FANCA: variants seen among roughly 807,000 people sequenced by gnomAD.
FANCA encodes the protein FA complementation group A.
FANCA carries 236 observed loss-of-function variants against 194.3 expected under a neutral mutation model. The ratio of observed to expected loss-of-function variants is 1.21; its 90% CI spans 1.09 to 1.35. FANCA has a LOEUF of 1.35. Among genes scored for constraint, FANCA ranks in the 40% most tolerant of loss-of-function variants. The probability of loss-of-function intolerance (pLI) is 0.00; values close to 1 mark genes in which losing one functional copy is unlikely to be tolerated. For missense variants in FANCA, 2,628 were observed against 1,813.9 expected, an observed-to-expected ratio of 1.45 and a Z score of -8.15; for synonymous variants, 1,014 against 715.8, an observed-to-expected ratio of 1.42 and a Z score of -6.65.
Position 89,770,636 on chromosome 16 carries a change from T to G in FANCA, c.2152-2A>C. On this transcript the variant is annotated splice_acceptor_variant, in intron 23 of 42. Transcript: ENST00000389301. LOFTEE classifies it high-confidence loss of function. Reference sequence around the variant, plus strand: ...AGACGTCAGCAGGAGGTCCACAGCCTGCAGAGACACAGTTCTCATGAGCGT... The same window carrying G: ...AGACGTCAGCAGGAGGTCCACAGCCGGCAGAGACACAGTTCTCATGAGCGT... 6.2e-7 allele frequency: 1 copy of G among 1,607,036 alleles called. No homozygotes were observed. The highest frequency in any genetic ancestry group is 8.5e-7 in the Non-Finnish European group (1 of 1,176,596).
At chr16:89,751,231 T>G (rs2038578413) in intron 31 of FANCA, among the ~76,000 whole-genome samples, 1 of 152,120 alleles carries the variant, frequency 6.6e-6, no homozygotes, top group South Asian at 2.1e-4. Context: ...TCAGGTGCAG[T>G]GGCTCACGCC....
At chr16:89,771,610 C>T (rs975193656) in intron 23 of FANCA, 68 bp downstream of exon 23, 29 of 1,556,118 alleles carry the variant, frequency 1.9e-5, no homozygotes, top group Non-Finnish European at 2.6e-5. Context: ...AGGCTCCATG[C>T]GTCTAATGCC....
intron 3 of FANCA, 97 bp downstream of exon 3, chr16:89,814,423 T>C: frequency 2.1e-6 from 2 of 948,700 alleles, no homozygotes; most frequent in Admixed American, 2.2e-5. Flanking sequence ...ACCCATCGCC[T>C]GAGAAAATTT....
intron 28 of FANCA, among the ~76,000 whole-genome samples, chr16:89,763,987 A>G (rs1015929107): frequency 9.9e-5 from 15 of 152,158 alleles, no homozygotes; most frequent in South Asian, 4.2e-4. Flanking sequence ...CACGCCTGTA[A>G]TTCCAGCATT....
intron 21 of FANCA, 120 bp downstream of exon 21, chr16:89,775,622 C>A: frequency 1.3e-6 from 1 of 789,544 alleles, no homozygotes; most frequent in South Asian, 1.5e-5. Context: ...CCCAAAGCAC[C>A]GGCTTGAGCT....
In FANCA at chr16:89,773,343, C is replaced by T. The variant is rs1427276212; in HGVS notation, c.1942G>A (p.Glu648Lys). Residue 648 changes from glutamate to lysine, a missense_variant, in exon 22 of 43, where the codon GAG becomes AAG. Physicochemically the swap from Glu to Lys is moderately conservative, Grantham distance 56. Transcript: ENST00000389301. ...GCAGCTGTGAGCTGTCCCAGGGGCT[C>T]CTCAGCAGAGTTGGGTTCTGCCCTC... ...GVRAEPNSAE[E>K]PLGQLTAALG... is the part of the protein sequence containing the mutation. 3.2e-6 allele frequency: 5 copies of T among 1,551,602 alleles called. No homozygotes were observed. Among genetic ancestry groups the T allele is most frequent in the Non-Finnish European group, 3.5e-6 (4 of 1,146,980 alleles).
At chr16:89,806,067 C>T (rs2040629965) in intron 6 of FANCA, among the ~76,000 whole-genome samples, 1 of 152,202 alleles carries the variant, frequency 6.6e-6, no homozygotes, top group Non-Finnish European at 1.5e-5. Context: ...CACCTGCCAC[C>T]TTGCCCAGCT....
At chr16:89,776,725 G>A (rs1002935316) in intron 20 of FANCA, among the ~76,000 whole-genome samples, 4 of 151,904 alleles carry the variant, frequency 2.6e-5, no homozygotes, top group Non-Finnish European at 5.9e-5. Flanking sequence ...CAGCTACTTG[G>A]TAGGCTGAGG....
At chr16:89,809,477 G>A (rs1460311985) in intron 5 of FANCA, among the ~76,000 whole-genome samples, 1 of 152,100 alleles carries the variant, frequency 6.6e-6, no homozygotes, top group African/African-American at 2.4e-5. Flanking sequence ...CACTTGGGAG[G>A]CCAAGATGGG....
chr16:89,740,941 C>T, intron 37 of FANCA, 75 bp from the exon 38 acceptor site: 3 of 1,350,404 alleles, frequency 2.2e-6, no homozygotes, highest in Non-Finnish European at 3.1e-6. Flanking sequence ...CTGACACATT[C>T]CTCTTTAATT....
chr16:89,758,044 G>C (rs1333632222), intron 30 of FANCA, among the ~76,000 whole-genome samples: 1 of 151,926 alleles, frequency 6.6e-6, no homozygotes, highest in East Asian at 1.9e-4. Flanking sequence ...TTAGTAGAGA[G>C]GGAGGTTTCA....
intron 27 of FANCA, among the ~76,000 whole-genome samples, 158 bp downstream of exon 27, chr16:89,766,983 C>G (rs898100236): frequency 2.0e-5 from 3 of 151,786 alleles, no homozygotes; most frequent in Non-Finnish European, 4.4e-5. Flanking sequence ...CCATGACAGC[C>G]AGCCTGACTC....
Position 89,744,588 on chromosome 16 carries a change from G to C in FANCA, c.3626+371C>G, listed in dbSNP as rs1274324032. The stretch of plus-strand genomic sequence containing the variant: ...AAGAGGAAGGGGAGCAGGTGCAAAG[G>C]AATCACTCGAGCTCCTCACTCAGAC... On this transcript the variant is annotated intron_variant, in intron 36 of 42. Coordinates refer to ENST00000389301, the MANE Select transcript of FANCA (RefSeq NM_000135.4). 32 of 348,714 alleles carry C rather than the reference G, an allele frequency of 9.2e-5. No homozygotes were observed. In the Admixed American group the frequency reaches 1.2e-3, roughly 14 times the overall value. The allele number at this position is 348,714 out of a possible 1,614,324, so 21.6% of individuals were successfully genotyped here.
chr16:89,783,320 G>T (rs961763593), intron 15 of FANCA, among the ~76,000 whole-genome samples: 1 of 152,084 alleles, frequency 6.6e-6, no homozygotes, highest in Non-Finnish European at 1.5e-5. Flanking sequence ...GGAGGCTGAG[G>T]CGGGCAGATC....
rs780475585 is a variant in FANCA at position 89,782,925 on chromosome 16, G to T, written c.1567-7C>A. 3.1e-5 allele frequency: 50 copies of T among 1,613,824 alleles called. No individual in the cohort carries two copies. Among genetic ancestry groups the T allele is most frequent in the Non-Finnish European group, 4.2e-5 (50 of 1,179,822 alleles). ...CCATGTTTTCTATAGAAACCTTCAG[G>T]GAAGACACAGAATGAGAACAAGAAA... On this transcript the variant is annotated splice_region_variant and splice_polypyrimidine_tract_variant and intron_variant, in intron 16 of 42. Transcript: ENST00000389301.
intron 8 of FANCA, among the ~76,000 whole-genome samples, chr16:89,800,868 T>C (rs952378145): frequency 6.6e-6 from 1 of 151,588 alleles, no homozygotes; most frequent in African/African-American, 2.4e-5. Flanking sequence ...CTGTCTCTAC[T>C]AAAAATACAA....
intron 30 of FANCA, among the ~76,000 whole-genome samples, chr16:89,756,276 C>G (rs1208617787): frequency 6.6e-6 from 1 of 152,114 alleles, no homozygotes; most frequent in East Asian, 1.9e-4. Flanking sequence ...AATCACTACC[C>G]ATTAGGGAAG....
chr16:89,790,084 C>T (rs1350921382), intron 14 of FANCA, among the ~76,000 whole-genome samples: 2 of 152,208 alleles, frequency 1.3e-5, no homozygotes, highest in African/African-American at 2.4e-5. Flanking sequence ...AAATGAAGTA[C>T]TTGTTTCAGG....
chr16:89,787,496 G>T (rs2039937369), intron 14 of FANCA, among the ~76,000 whole-genome samples: 1 of 152,024 alleles, frequency 6.6e-6, no homozygotes, highest in Non-Finnish European at 1.5e-5. Context: ...CTCCAGCCTG[G>T]GCAACAAGAG....
Sources: gnomAD v4.1 joint callset for allele counts (sites outside exome capture counted in the v4.1 genomes callset) on GRCh38, gnomAD v4.1.1 for gene constraint, MANE v1.5 for transcripts, NCBI Gene and HGNC (gene_info 2026-07-23, HGNC 2026-07-21) for gene names.